The following RFX4 variants were observed in gnomAD, a reference collection of about 807,000 sequenced individuals.
The protein encoded by RFX4 is transcription factor RFX4.
RFX4 carries 10 observed loss-of-function variants against 95.0 expected under a neutral mutation model. That is an observed-to-expected ratio of 0.11 (90% CI 0.06 to 0.18). The LOEUF (loss-of-function observed/expected upper bound fraction) is 0.18, where lower values mean the gene tolerates loss of function less well. Ranked by LOEUF, RFX4 falls within the 10% of genes least tolerant of loss-of-function variation. The pLI is 1.00. For missense variants in RFX4, 640 were observed against 922.0 expected (o/e 0.69, Z 3.96); for synonymous variants, 321 against 340.7 (o/e 0.94, Z 0.64).
chr12:106,592,694 C>G (rs1175539609), intron 1 of RFX4, among the ~76,000 whole-genome samples: 1 of 148,446 alleles, frequency 6.7e-6, no homozygotes, highest in Admixed American at 6.7e-5. Context: ...CATTTTTACA[C>G]TTGGTTTTCA....
At chr12:106,719,363 G>A (rs1265620903) in intron 11 of RFX4, among the ~76,000 whole-genome samples, 1 of 152,134 alleles carries the variant, frequency 6.6e-6, no homozygotes, top group Non-Finnish European at 1.5e-5. Flanking sequence ...CCTACCCTGG[G>A]CAGAGAGCAA....
At position 106,750,807 on chromosome 12, in the gene RFX4, C is replaced by A; in HGVS notation, c.1935+14C>A. ...AGCTCTGCACAGGTGAGTCAGTGGTCCTGGTTTCTTGGCCAGGCCTTGGTA... is the reference window on the plus strand; with the variant it reads ...AGCTCTGCACAGGTGAGTCAGTGGTACTGGTTTCTTGGCCAGGCCTTGGTA... On this transcript the variant is annotated intron_variant, in intron 17 of 17. Coordinates refer to ENST00000392842, the MANE Select transcript of RFX4 (RefSeq NM_213594.3). The A allele has an allele frequency of 6.5e-7, 1 of 1,533,450 alleles. No homozygotes were observed. Among genetic ancestry groups the A allele is most frequent in the South Asian group, 1.3e-5 (1 of 75,972 alleles). The allele number at this position is 1,533,450 out of a possible 1,614,324, so 95.0% of individuals were successfully genotyped here. A position where few individuals can be genotyped will look rare whatever the true frequency, so the allele number is the denominator to read the frequency against.
Position 106,592,066 on chromosome 12 carries a change from G to A in RFX4, c.43+8703G>A, listed in dbSNP as rs189735883. 2.1e-3 allele frequency among the ~76,000 whole-genome samples: 314 copies of A among 152,240 alleles called. 1 individual carries two copies. Among genetic ancestry groups the A allele is most frequent in the African/African-American group, 6.8e-3 (284 of 41,552 alleles). ...TTATGAAAATTCAGTAAGATTGCAC[G>A]TGTTAAGTATTTGATTTCATGCCTG... On this transcript the variant is annotated intron_variant, in intron 1 of 17. Coordinates refer to ENST00000392842, the MANE Select transcript of RFX4 (RefSeq NM_213594.3).
chr12:106,645,536 A>G (rs1485529186), intron 3 of RFX4, among the ~76,000 whole-genome samples: 1 of 152,166 alleles, frequency 6.6e-6, no homozygotes, highest in African/African-American at 2.4e-5. Flanking sequence ...TTTTGAAAAA[A>G]ATTAAATTGA....
At chr12:106,729,171 G>A (rs900324320) in intron 13 of RFX4, among the ~76,000 whole-genome samples, 2 of 152,106 alleles carry the variant, frequency 1.3e-5, no homozygotes, top group Admixed American at 1.3e-4. Flanking sequence ...TACTGGTTTG[G>A]ATTTTTATCA....
At chr12:106,735,902 A>G (rs565670801) in intron 15 of RFX4, among the ~76,000 whole-genome samples, 1 of 152,338 alleles carries the variant, frequency 6.6e-6, no homozygotes, top group Non-Finnish European at 1.5e-5. Flanking sequence ...CCAAGGAAGG[A>G]GAGATTCTAT....
intron 2 of RFX4, among the ~76,000 whole-genome samples, chr12:106,636,078 A>T (rs2040504609): frequency 6.6e-6 from 1 of 152,174 alleles, no homozygotes; most frequent in African/African-American, 2.4e-5. Context: ...AATGCAGATG[A>T]CTGAGATACC....
chr12:106,665,274 A>G (rs1303628919), intron 4 of RFX4, among the ~76,000 whole-genome samples: 1 of 151,908 alleles, frequency 6.6e-6, no homozygotes, highest in Non-Finnish European at 1.5e-5. Flanking sequence ...TTTGCTTTGA[A>G]GTATGCTCCA....
At chr12:106,708,333 G>C (rs895459731) in intron 8 of RFX4, among the ~76,000 whole-genome samples, 2 of 151,820 alleles carry the variant, frequency 1.3e-5, no homozygotes, top group Non-Finnish European at 1.5e-5. Flanking sequence ...CTTTGTGTGT[G>C]TGTGTGTATG....
chr12:106,719,083 C>A (rs569316882), intron 11 of RFX4, among the ~76,000 whole-genome samples: 1 of 152,140 alleles, frequency 6.6e-6, no homozygotes, highest in South Asian at 2.1e-4. Flanking sequence ...GATTGCGCCA[C>A]TGCACTCCAG....
intron 2 of RFX4, among the ~76,000 whole-genome samples, chr12:106,633,158 C>G (rs766768077): frequency 6.6e-6 from 1 of 152,168 alleles, no homozygotes; most frequent in African/African-American, 2.4e-5. Flanking sequence ...ACCCTGGGCA[C>G]AAAGTCACCA....
In RFX4 at chr12:106,720,666, C is replaced by T. The variant is rs868230399; in HGVS notation, c.1234-93C>T. Reference sequence around the variant, plus strand: ...CCTCCCAAAGTGCTGGGATTACAGGCGTGAGCCACTTCAACCGGCCTCATT... The same window carrying T: ...CCTCCCAAAGTGCTGGGATTACAGGTGTGAGCCACTTCAACCGGCCTCATT... On this transcript the variant is annotated intron_variant, in intron 12 of 17. Transcript: ENST00000392842. The surrounding 1 kb of genome is among the most constrained non-coding windows in gnomAD (Gnocchi z 4.2). 74 of 1,231,960 alleles carry T rather than the reference C, an allele frequency of 6.0e-5. No homozygotes were observed. Among genetic ancestry groups the T allele is most frequent in the Admixed American group, 8.6e-5 (5 of 57,992 alleles). The allele number at this position is 1,231,960 out of a possible 1,614,324, so 76.3% of individuals were successfully genotyped here.
intron 7 of RFX4, among the ~76,000 whole-genome samples, chr12:106,693,462 C>T (rs535580517): frequency 5.3e-5 from 8 of 152,108 alleles, no homozygotes; most frequent in East Asian, 1.9e-4. Context: ...AAAGGGGGTA[C>T]GGCTGCCTGC....
chr12:106,761,186 C>G lies in RFX4; in HGVS notation c.1936-11C>G. ...ATTTTAACTTTGTGGAATTTCTTTCCCCTCAACAAGTACCCTTTTAATAGC... is the reference window on the plus strand; with the variant it reads ...ATTTTAACTTTGTGGAATTTCTTTCGCCTCAACAAGTACCCTTTTAATAGC... On this transcript the variant is annotated splice_polypyrimidine_tract_variant and intron_variant, in intron 17 of 17. Transcript: ENST00000392842. The G allele has an allele frequency of 6.2e-7, 1 of 1,603,448 alleles. No individual in the cohort carries two copies. Among genetic ancestry groups the G allele is most frequent in the Non-Finnish European group, 8.5e-7 (1 of 1,171,564 alleles).
At chr12:106,706,032 C>T (rs565966824) in intron 8 of RFX4, among the ~76,000 whole-genome samples, 8 of 152,330 alleles carry the variant, frequency 5.3e-5, no homozygotes, top group African/African-American at 1.9e-4. Context: ...ATCAGGGGTG[C>T]TGACCTGGTC....
intron 8 of RFX4, among the ~76,000 whole-genome samples, chr12:106,704,749 T>C (rs1222965041): frequency 1.3e-5 from 2 of 152,198 alleles, no homozygotes; most frequent in Non-Finnish European, 2.9e-5. Flanking sequence ...TTCTTCCAAG[T>C]AATCTCAGCA....
chr12:106,687,186 A>T (rs879251292), intron 6 of RFX4, 89 bp downstream of exon 6: 26,405 of 97,798 alleles, frequency 0.27, 285 homozygotes, highest in African/African-American at 0.37. Context: ...TCTCTCTCAC[A>T]CACACACACA....
intron 7 of RFX4, chr12:106,693,175 C>A: frequency 2.7e-6 from 1 of 372,512 alleles, no homozygotes; most frequent in South Asian, 2.1e-5. Flanking sequence ...AGGCCATTCT[C>A]CCTCCTTCCT....
chr12:106,608,747 T>C, intron 1 of RFX4, 50 bp from the exon 2 acceptor site: 3 of 1,524,118 alleles, frequency 2.0e-6, no homozygotes, highest in Non-Finnish European at 2.6e-6. Flanking sequence ...ATTCTGTGAT[T>C]TTCTTTTTTC....
Sources: gnomAD v4.1 joint callset for allele counts (sites outside exome capture counted in the v4.1 genomes callset) on GRCh38, gnomAD v4.1.1 for gene constraint, Gnocchi (gnomAD v3.1) non-coding constraint, MANE v1.5 for transcripts, NCBI Gene and HGNC (gene_info 2026-07-23, HGNC 2026-07-21) for gene names.